The following CACNB2 variants were observed in gnomAD, a reference collection of about 807,000 sequenced individuals.
CACNB2 encodes the protein voltage-dependent L-type calcium channel subunit beta-2.
In CACNB2, 42 loss-of-function variants were observed where a neutral mutation model predicts 73.3. The ratio of observed to expected loss-of-function variants is 0.57; its 90% CI spans 0.45 to 0.74. The LOEUF (loss-of-function observed/expected upper bound fraction) is 0.74. Ranked by LOEUF, CACNB2 falls within the 30% of genes least tolerant of loss-of-function variation. CACNB2 has a pLI of 0.00. For synonymous variants in CACNB2, 348 were observed against 310.3 expected (o/e 1.12, Z -1.28); for missense variants, 940 against 853.0 (o/e 1.10, Z -1.27).
In CACNB2 at chr10:18,539,280, T is replaced by A; in HGVS notation, c.1539T>A (p.Ala513=). The change falls in exon 14 of 14, where the codon GCT becomes GCA. Residue 513 remains alanine, a synonymous_variant. Coordinates refer to ENST00000324631, the MANE Select transcript of CACNB2 (RefSeq NM_201596.3). The part of the protein sequence containing the change: ...RTDRSAPIRS[A]SQAEEEPSVE... ...ATCGCTCCGCTCCTATCCGTTCTGC[T>A]TCCCAAGCTGAAGAAGAACCTAGTG... 1 of 1,613,868 alleles carries A rather than the reference T, an allele frequency of 6.2e-7. No homozygotes were observed. The highest frequency in any genetic ancestry group is 8.5e-7 in the Non-Finnish European group (1 of 1,179,962).
chr10:18,204,377 T>C (rs909802151), intron 2 of CACNB2, among the ~76,000 whole-genome samples: 2 of 152,230 alleles, frequency 1.3e-5, no homozygotes, highest in African/African-American at 4.8e-5. Context: ...CGTTACTAAG[T>C]AGAATAGGTG....
intron 7 of CACNB2, among the ~76,000 whole-genome samples, chr10:18,516,120 CAGA>C (rs757146495): frequency 1.1e-4 from 17 of 151,960 alleles, no homozygotes; most frequent in Non-Finnish European, 2.1e-4. Flanking sequence ...GAGGCTGTGG[CAGA>C]AGAATTGCTT....
intron 3 of CACNB2, among the ~76,000 whole-genome samples, chr10:18,494,144 C>A (rs2049629131): frequency 6.6e-6 from 1 of 152,168 alleles, no homozygotes; most frequent in African/African-American, 2.4e-5. Context: ...CCAATTTCCA[C>A]CACCACTTTA....
At chr10:18,160,533 A>T (rs980690003) in intron 2 of CACNB2, among the ~76,000 whole-genome samples, 6 of 152,148 alleles carry the variant, frequency 3.9e-5, no homozygotes, top group African/African-American at 1.4e-4. Context: ...TTGAAAGTTT[A>T]TCTTGATTAT....
At chr10:18,525,948 C>T (rs531558006) in intron 9 of CACNB2, among the ~76,000 whole-genome samples, 1 of 152,134 alleles carries the variant, frequency 6.6e-6, no homozygotes, top group African/African-American at 2.4e-5. Flanking sequence ...ATAAAACCAT[C>T]TTTTAGCTTT....
chr10:18,299,851 A>T (rs551488248), intron 2 of CACNB2, among the ~76,000 whole-genome samples: 2 of 152,334 alleles, frequency 1.3e-5, no homozygotes, highest in African/African-American at 2.4e-5. Context: ...GAGAAAGAGC[A>T]GCTGGGATTA....
At chr10:18,226,193 A>G (rs1350305497) in intron 2 of CACNB2, among the ~76,000 whole-genome samples, 1 of 151,582 alleles carries the variant, frequency 6.6e-6, no homozygotes, top group Non-Finnish European at 1.5e-5. Flanking sequence ...TGCCTGGCTA[A>G]TTTTTGTATT....
chr10:18,433,835 C>G (rs1157605088), intron 3 of CACNB2, among the ~76,000 whole-genome samples: 2 of 151,904 alleles, frequency 1.3e-5, no homozygotes, highest in African/African-American at 4.8e-5. Context: ...TCCCCTAATC[C>G]TTTTTTCTAC....
chr10:18,212,212 T>C (rs2035345510), intron 2 of CACNB2, among the ~76,000 whole-genome samples: 1 of 152,220 alleles, frequency 6.6e-6, no homozygotes, highest in African/African-American at 2.4e-5. Flanking sequence ...TCCAAAATCA[T>C]GGTGCCATTT....
chr10:18,442,922 ATATGTATATATATATATATG>A (rs2046491230), intron 3 of CACNB2, among the ~76,000 whole-genome samples: 3 of 87,712 alleles, frequency 3.4e-5, no homozygotes, highest in Non-Finnish European at 3.9e-5. Flanking sequence ...ATATATATAT[ATATGTATATATATATATATG>A]TGTATATATA....
At chr10:18,393,533 T>C (rs2043580352) in intron 2 of CACNB2, among the ~76,000 whole-genome samples, 1 of 152,228 alleles carries the variant, frequency 6.6e-6, no homozygotes, top group Non-Finnish European at 1.5e-5. Flanking sequence ...AAGTCACATG[T>C]CTGAACTTCT....
At chr10:18,416,001 A>G (rs2044936533) in intron 3 of CACNB2, among the ~76,000 whole-genome samples, 1 of 152,058 alleles carries the variant, frequency 6.6e-6, no homozygotes, top group Non-Finnish European at 1.5e-5. Flanking sequence ...ATGCATAATG[A>G]TCAAGTCAGG....
At chr10:18,291,430 T>C (rs2039064745) in intron 2 of CACNB2, among the ~76,000 whole-genome samples, 1 of 152,232 alleles carries the variant, frequency 6.6e-6, no homozygotes, top group Non-Finnish European at 1.5e-5. Flanking sequence ...GTTTTAATTT[T>C]TTCAAGGGAC....
At chr10:18,442,695 C>T (rs542313906) in intron 3 of CACNB2, among the ~76,000 whole-genome samples, 80 of 150,550 alleles carry the variant, frequency 5.3e-4, no homozygotes, top group African/African-American at 1.8e-3. Context: ...CGTGGTGGCA[C>T]GTGCCTGTAA....
chr10:18,144,928 C>T (rs139088949), intron 1 of CACNB2, among the ~76,000 whole-genome samples: 2 of 152,218 alleles, frequency 1.3e-5, no homozygotes, highest in African/African-American at 4.8e-5. Context: ...ATAGCTCCTG[C>T]GTGAAGGTTG....
chr10:18,237,978 G>T (rs1347660513), intron 2 of CACNB2, among the ~76,000 whole-genome samples: 1 of 152,108 alleles, frequency 6.6e-6, no homozygotes, highest in African/African-American at 2.4e-5. Context: ...CACTCATTCT[G>T]CTCCCCACTC....
intron 2 of CACNB2, among the ~76,000 whole-genome samples, chr10:18,187,487 G>A (rs756328635): frequency 2.0e-5 from 3 of 152,016 alleles, no homozygotes; most frequent in Non-Finnish European, 4.4e-5. Context: ...ATAGATTTAC[G>A]GCAATATTTT....
chr10:18,400,399 C>G (rs1287936516), intron 2 of CACNB2, among the ~76,000 whole-genome samples: 2 of 152,182 alleles, frequency 1.3e-5, no homozygotes, highest in Admixed American at 1.3e-4. Flanking sequence ...ACACATACCA[C>G]GAGCCCGATT....
At chr10:18,508,916 A>T (rs534944704) in intron 6 of CACNB2, among the ~76,000 whole-genome samples, 41 of 152,356 alleles carry the variant, frequency 2.7e-4, no homozygotes, top group African/African-American at 9.1e-4. Context: ...GTTAGTATAC[A>T]TGTAAAATAA....
Sources: allele counts gnomAD v4.1 joint callset (sites outside exome capture counted in the v4.1 genomes callset), GRCh38; gene constraint gnomAD v4.1.1; transcripts MANE v1.5; gene names NCBI Gene and HGNC (gene_info 2026-07-23, HGNC 2026-07-21).